The following SLC14A2 variants were observed in gnomAD, a reference collection of about 807,000 sequenced individuals.
SLC14A2 encodes solute carrier family 14 member 2, also known as urea transporter 2.
Under a neutral mutation model 104.6 loss-of-function variants are expected in SLC14A2, and 91 were observed. The ratio of observed to expected loss-of-function variants is 0.87; its 90% CI spans 0.73 to 1.04. The LOEUF is 1.04. Ranked by LOEUF, SLC14A2 falls within the 50% of genes least tolerant of loss-of-function variation. The pLI, the probability that SLC14A2 is intolerant of heterozygous loss-of-function variation, is 0.00. For missense variants in SLC14A2, 1,189 were observed against 1,156.0 expected (o/e 1.03, Z -0.41); for synonymous variants, 476 against 466.4 (o/e 1.02, Z -0.27).
intron 2 of SLC14A2, among the ~76,000 whole-genome samples, chr18:45,562,491 A>G (rs2044214431): frequency 6.6e-6 from 1 of 152,210 alleles, no homozygotes; most frequent in Admixed American, 6.5e-5. Context: ...GCAGGGGGAC[A>G]GCAGGAGCAA....
chr18:45,352,149 T>C (rs11659929), intron 1 of SLC14A2, among the ~76,000 whole-genome samples: 53,085 of 151,910 alleles, frequency 0.35, 9,709 homozygotes, highest in African/African-American at 0.45. Context: ...TAGGAATCTG[T>C]AGAAGGTGCA....
At chr18:45,318,803 T>A (rs571737179) in intron 1 of SLC14A2, among the ~76,000 whole-genome samples, 1 of 150,358 alleles carries the variant, frequency 6.7e-6, no homozygotes, top group East Asian at 2.0e-4. Flanking sequence ...AAAAAAAAAA[T>A]TCGCAGGTCC....
intron 2 of SLC14A2, among the ~76,000 whole-genome samples, chr18:45,522,141 T>G (rs563250325): frequency 6.6e-6 from 1 of 152,220 alleles, no homozygotes; most frequent in Non-Finnish European, 1.5e-5. Flanking sequence ...ATCCTTCACG[T>G]GGGGTTACTG....
chr18:45,393,074 G>T (rs938910360), intron 1 of SLC14A2, among the ~76,000 whole-genome samples: 4 of 152,218 alleles, frequency 2.6e-5, no homozygotes, highest in African/African-American at 9.6e-5. Flanking sequence ...TGACCTTAGA[G>T]TATAGGTTGG....
chr18:45,336,147 A>T (rs1377004542), intron 1 of SLC14A2, among the ~76,000 whole-genome samples: 4 of 152,218 alleles, frequency 2.6e-5, no homozygotes, highest in Non-Finnish European at 5.9e-5. Context: ...CCAATTAATT[A>T]GAAAAATGAG....
chr18:45,284,666 C>T (rs1319229918), intron 1 of SLC14A2, among the ~76,000 whole-genome samples: 3 of 152,168 alleles, frequency 2.0e-5, no homozygotes, highest in Non-Finnish European at 4.4e-5. Context: ...CACAGATTCC[C>T]TCTGTTTCTT....
chr18:45,333,245 G>A (rs547433803), intron 1 of SLC14A2, among the ~76,000 whole-genome samples: 61 of 152,104 alleles, frequency 4.0e-4, no homozygotes, highest in Non-Finnish European at 6.8e-4. Flanking sequence ...AGAGGAGTCT[G>A]GAACCCAGAG....
At chr18:45,267,717 C>T (rs147524553) in intron 1 of SLC14A2, among the ~76,000 whole-genome samples, 6 of 152,034 alleles carry the variant, frequency 3.9e-5, no homozygotes, top group Non-Finnish European at 7.4e-5. Flanking sequence ...GAGGACATTC[C>T]TGGAAAGAAA....
chr18:45,531,019 G>T (rs1186039731), intron 2 of SLC14A2, among the ~76,000 whole-genome samples: 2 of 152,156 alleles, frequency 1.3e-5, no homozygotes, highest in African/African-American at 4.8e-5. Context: ...TCCCTACAAA[G>T]GACATGAACT....
chr18:45,258,154 A>G (rs1021070482), intron 1 of SLC14A2, among the ~76,000 whole-genome samples: 6 of 144,968 alleles, frequency 4.1e-5, no homozygotes, highest in Non-Finnish European at 9.1e-5. Flanking sequence ...CACTTTTCCA[A>G]GGTCACCTGT....
intron 1 of SLC14A2, among the ~76,000 whole-genome samples, chr18:45,300,282 T>G (rs2084955691): frequency 6.6e-6 from 1 of 152,224 alleles, no homozygotes; most frequent in South Asian, 2.1e-4. Context: ...GACTAATGAG[T>G]TAGGGACTGC....
chr18:45,573,056 C>T (rs899268901), intron 2 of SLC14A2, among the ~76,000 whole-genome samples: 1 of 152,192 alleles, frequency 6.6e-6, no homozygotes, highest in Non-Finnish European at 1.5e-5. Context: ...GAAACCAAGA[C>T]TCAGAGTGAG....
At chr18:45,512,050 A>C (rs777295987) in intron 2 of SLC14A2, among the ~76,000 whole-genome samples, 1 of 152,230 alleles carries the variant, frequency 6.6e-6, no homozygotes, top group Non-Finnish European at 1.5e-5. Flanking sequence ...CCAGGCAAAC[A>C]GACTAAAGTT....
Position 45,666,166 on chromosome 18 carries a change from C to T in SLC14A2, c.1504C>T (p.Gln502Ter). The change falls in exon 12 of 20, where the codon CAA (glutamine) becomes TAA (stop). Residue 502 changes from glutamine (Q) to a stop codon, truncating the protein, a stop_gained. Transcript: ENST00000255226. LOFTEE classifies it high-confidence loss of function. Reference protein sequence around the residue: ...VFGKGEHQERQNKDPFPYRYR... With the variant: ...VFGKGEHQER ...TGGAAAAGGCGAACACCAGGAAAGA[C>T]AAAACAAAGACCCATTTCCCTATCG... The T allele has an allele frequency of 6.2e-6, 10 of 1,613,830 alleles. No individual in the cohort carries two copies. Among genetic ancestry groups the T allele is most frequent in the Non-Finnish European group, 8.5e-6 (10 of 1,179,776 alleles).
chr18:45,374,072 T>C (rs2085749594), intron 1 of SLC14A2, among the ~76,000 whole-genome samples: 1 of 152,210 alleles, frequency 6.6e-6, no homozygotes, highest in Non-Finnish European at 1.5e-5. Context: ...TTAGTCCTCT[T>C]AAGATCCTGT....
rs552880980 is a variant in SLC14A2 at position 45,366,657 on chromosome 18, G to C, written c.-124-116576G>C. On this transcript the variant is annotated intron_variant, in intron 1 of 20. Coordinates refer to the SLC14A2 transcript ENST00000586448. Reference sequence around the variant, plus strand: ...AAAACCAGCTACAGCCTTCTGCCTAGGACATACCTCTGCCCCACCAGGACC... The same window carrying C: ...AAAACCAGCTACAGCCTTCTGCCTACGACATACCTCTGCCCCACCAGGACC... 2.0e-5 allele frequency among the ~76,000 whole-genome samples: 3 copies of C among 152,234 alleles called. No homozygotes were observed. In the East Asian group the frequency reaches 5.8e-4, roughly 29 times the overall value.
chr18:45,524,794 A>G (rs1469730184), intron 2 of SLC14A2, among the ~76,000 whole-genome samples: 6 of 152,206 alleles, frequency 3.9e-5, no homozygotes, highest in Non-Finnish European at 7.4e-5. Context: ...GCTGCTCCAT[A>G]TGAAAAATAA....
At chr18:45,674,856 G>A (rs993346429) in intron 18 of SLC14A2, among the ~76,000 whole-genome samples, 1 of 152,214 alleles carries the variant, frequency 6.6e-6, no homozygotes, top group Non-Finnish European at 1.5e-5. Flanking sequence ...AGCAGGTGAT[G>A]ACCCTGACAT....
At chr18:45,366,519 G>A (rs982427210) in intron 1 of SLC14A2, among the ~76,000 whole-genome samples, 5 of 152,184 alleles carry the variant, frequency 3.3e-5, no homozygotes, top group African/African-American at 4.8e-5. Context: ...CTGTGAATTA[G>A]AGAGCTGTTT....
Sources: allele counts gnomAD v4.1 joint callset (sites outside exome capture counted in the v4.1 genomes callset), GRCh38; gene constraint gnomAD v4.1.1; transcripts MANE v1.5; gene names NCBI Gene and HGNC (gene_info 2026-07-23, HGNC 2026-07-21).